The following SGMS1 variants were observed in gnomAD, a reference collection of about 807,000 sequenced individuals.
SGMS1 encodes sphingomyelin synthase 1, also known as phosphatidylcholine:ceramide cholinephosphotransferase 1.
In SGMS1, 13 loss-of-function variants were observed where a neutral mutation model predicts 46.2. The observed-to-expected ratio is 0.28, with a 90% confidence interval of 0.18 to 0.45. The LOEUF (loss-of-function observed/expected upper bound fraction) is 0.45. SGMS1 is among the 20% of genes least tolerant of loss of function. SGMS1 has a pLI of 1.00. For missense variants in SGMS1, 324 were observed against 519.9 expected (o/e 0.62, Z 3.66); for synonymous variants, 203 against 187.8 (o/e 1.08, Z -0.66).
chr10:50,423,824 A>C (rs376188148), intron 6 of SGMS1, among the ~76,000 whole-genome samples: 38 of 152,342 alleles, frequency 2.5e-4, no homozygotes, highest in African/African-American at 8.9e-4. Context: ...TACTGTACTC[A>C]AACTCCATTC....
At chr10:50,321,059 A>G (rs1327806074) in intron 8 of SGMS1, among the ~76,000 whole-genome samples, 1 of 152,248 alleles carries the variant, frequency 6.6e-6, no homozygotes, top group Non-Finnish European at 1.5e-5. Context: ...TGCTCAGGAA[A>G]TAAACAAGCT....
chr10:50,407,380 T>C (rs529017513), intron 6 of SGMS1, among the ~76,000 whole-genome samples: 2 of 152,342 alleles, frequency 1.3e-5, no homozygotes, highest in African/African-American at 4.8e-5. Context: ...ATTTTCTGTA[T>C]AGAAATTCTG....
chr10:50,358,274 C>T (rs977058653), intron 6 of SGMS1, among the ~76,000 whole-genome samples: 2 of 152,146 alleles, frequency 1.3e-5, no homozygotes, highest in Non-Finnish European at 1.5e-5. Flanking sequence ...AACTTTATAA[C>T]ACAAAACTAC....
At chr10:50,522,415 C>T (rs557091181) in intron 2 of SGMS1, among the ~76,000 whole-genome samples, 2 of 152,128 alleles carry the variant, frequency 1.3e-5, no homozygotes, top group Non-Finnish European at 2.9e-5. Context: ...TGGTTCCTTT[C>T]CAAGGAGAAT....
chr10:50,571,677 C>T (rs548842812), intron 2 of SGMS1, among the ~76,000 whole-genome samples: 25 of 152,204 alleles, frequency 1.6e-4, no homozygotes, highest in African/African-American at 2.9e-4. Flanking sequence ...CATATATATA[C>T]ACATATATAT....
intron 6 of SGMS1, among the ~76,000 whole-genome samples, chr10:50,422,165 C>T (rs1361332399): frequency 6.6e-6 from 1 of 152,002 alleles, no homozygotes. Context: ...TTTTGAGATC[C>T]CTGACCTTTC....
At chr10:50,308,486 C>T (rs945765878) in intron 9 of SGMS1, among the ~76,000 whole-genome samples, 2 of 152,046 alleles carry the variant, frequency 1.3e-5, no homozygotes, top group African/African-American at 2.4e-5. Flanking sequence ...AAATTTACCT[C>T]TAGCTAATTT....
At chr10:50,605,474 GTA>G (rs1838686436) in intron 1 of SGMS1, among the ~76,000 whole-genome samples, 2 of 152,232 alleles carry the variant, frequency 1.3e-5, no homozygotes, top group Non-Finnish European at 2.9e-5. Flanking sequence ...GTACTGACAA[GTA>G]AGAGCTATCA....
intron 6 of SGMS1, among the ~76,000 whole-genome samples, chr10:50,427,966 T>C (rs1016424225): frequency 6.7e-6 from 1 of 148,302 alleles, no homozygotes; most frequent in Admixed American, 6.8e-5. Flanking sequence ...CTAAGCTGCG[T>C]GTGAATGAGA....
At position 50,306,312 on chromosome 10, in the gene SGMS1, T is replaced by A. The variant is rs1321136202; in HGVS notation, c.*830A>T. On this transcript the variant is annotated 3_prime_UTR_variant, in exon 11 of 11. Coordinates refer to ENST00000361781, the MANE Select transcript of SGMS1 (RefSeq NM_147156.4). ...AATGCAAAATTTAGTAGTGTATACA[T>A]ATATTTATATTTTCAAGGAATACTT... The A allele has an allele frequency of 6.6e-6, 1 of 152,554 alleles. No individual in the cohort carries two copies. Among genetic ancestry groups the A allele is most frequent in the Non-Finnish European group, 1.5e-5 (1 of 68,028 alleles). 9.5% of individuals were successfully genotyped at this position (152,554 alleles called of 1,614,324 possible).
At chr10:50,519,110 G>A (rs1345043512) in intron 3 of SGMS1, among the ~76,000 whole-genome samples, 1 of 152,046 alleles carries the variant, frequency 6.6e-6, no homozygotes, top group Non-Finnish European at 1.5e-5. Flanking sequence ...GCAAGCTGCA[G>A]AACACTACAT....
chr10:50,308,707 G>A (rs1381128492), intron 9 of SGMS1, among the ~76,000 whole-genome samples: 1 of 152,100 alleles, frequency 6.6e-6, no homozygotes. Flanking sequence ...CTCAAAGGTC[G>A]AATGGTGTCA....
At chr10:50,479,322 C>T (rs1837455813) in intron 3 of SGMS1, among the ~76,000 whole-genome samples, 1 of 151,908 alleles carries the variant, frequency 6.6e-6, no homozygotes, top group Admixed American at 6.6e-5. Flanking sequence ...TCTAAGGTGC[C>T]CAAGAATCAT....
chr10:50,311,488 T>C, intron 8 of SGMS1, 73 bp from the exon 9 acceptor site: 8 of 1,416,920 alleles, frequency 5.6e-6, no homozygotes, highest in Non-Finnish European at 6.7e-6. Flanking sequence ...AAGATTACTA[T>C]TCATATCCAG....
intron 3 of SGMS1, among the ~76,000 whole-genome samples, chr10:50,517,033 G>C (rs1483885820): frequency 6.6e-6 from 1 of 152,138 alleles, no homozygotes; most frequent in Non-Finnish European, 1.5e-5. Context: ...GGTGGAGAAA[G>C]CCCAGCTTTA....
intron 2 of SGMS1, among the ~76,000 whole-genome samples, chr10:50,568,672 C>CA (rs1034216821): frequency 5.9e-5 from 9 of 151,540 alleles, no homozygotes; most frequent in African/African-American, 1.9e-4. Flanking sequence ...GACCCCATAT[C>CA]AAAAAAAAGT....
chr10:50,585,727 T>C (rs1476446215), intron 2 of SGMS1, among the ~76,000 whole-genome samples: 1 of 152,246 alleles, frequency 6.6e-6, no homozygotes, highest in East Asian at 1.9e-4. Context: ...TACTTGATCT[T>C]AGCCAAAAGG....
chr10:50,480,814 G>C (rs1837470148), intron 3 of SGMS1, among the ~76,000 whole-genome samples: 1 of 152,192 alleles, frequency 6.6e-6, no homozygotes, highest in Non-Finnish European at 1.5e-5. Flanking sequence ...CTAGTCAGCT[G>C]TTTTCCCCTG....
intron 8 of SGMS1, among the ~76,000 whole-genome samples, chr10:50,315,130 T>C (rs1028775587): frequency 9.2e-5 from 14 of 152,194 alleles, no homozygotes; most frequent in Admixed American, 5.9e-4. Context: ...TACAGCTGTT[T>C]ACCAAATTAT....
Sources: gnomAD v4.1 joint callset for allele counts (sites outside exome capture counted in the v4.1 genomes callset) on GRCh38, gnomAD v4.1.1 for gene constraint, MANE v1.5 for transcripts, NCBI Gene and HGNC (gene_info 2026-07-23, HGNC 2026-07-21) for gene names.